Variants in CLVS1 observed in about 807,000 individuals in gnomAD.
The protein encoded by CLVS1 is clavesin-1.
Under a neutral mutation model 33.1 loss-of-function variants are expected in CLVS1, and 10 were observed. The observed-to-expected ratio is 0.30, with a 90% CI of 0.19 to 0.51. The LOEUF is 0.51. Among genes scored for constraint, CLVS1 ranks in the 20% least tolerant of loss-of-function variants. The pLI is 0.97. For synonymous variants in CLVS1, 163 were observed against 166.1 expected, an observed-to-expected ratio of 0.98 and a Z score of 0.14; for missense variants, 343 against 433.4, an observed-to-expected ratio of 0.79 and a Z score of 1.85.
At chr8:61,497,434 G>T (rs1245198825) in intron 5 of CLVS1, among the ~76,000 whole-genome samples, 1 of 40,628 alleles carries the variant, frequency 2.5e-5, no homozygotes, top group Non-Finnish European at 5.6e-5. Flanking sequence ...TGGTGTCCAG[G>T]TTTTTATTGG....
At chr8:61,400,567 A>G (rs968766429) in intron 3 of CLVS1, among the ~76,000 whole-genome samples, 2 of 152,178 alleles carry the variant, frequency 1.3e-5, no homozygotes, top group African/African-American at 2.4e-5. Flanking sequence ...TTTCAATTCA[A>G]TGTTGACGAG....
intron 2 of CLVS1, among the ~76,000 whole-genome samples, chr8:61,157,479 A>G (rs1004681721): frequency 2.0e-5 from 3 of 152,212 alleles, no homozygotes; most frequent in African/African-American, 4.8e-5. Flanking sequence ...TTTGAAGCTA[A>G]CCCTATATAT....
the CLVS1 span, among the ~76,000 whole-genome samples, chr8:61,009,682 A>G: frequency 8.5e-5 from 13 of 152,226 alleles, no homozygotes; most frequent in African/African-American, 3.1e-4. Context: ...CTTGTTATAT[A>G]TATTTTGTCA....
At chr8:61,069,373 A>G (rs1804747855) in intron 1 of CLVS1, among the ~76,000 whole-genome samples, 1 of 151,860 alleles carries the variant, frequency 6.6e-6, no homozygotes, top group Non-Finnish European at 1.5e-5. Context: ...GCGACACTAA[A>G]TCTTTCTACT....
At chr8:61,375,489 G>A (rs1004359314) in intron 2 of CLVS1, among the ~76,000 whole-genome samples, 3 of 152,140 alleles carry the variant, frequency 2.0e-5, no homozygotes, top group African/African-American at 4.8e-5. Context: ...GACATCAGGT[G>A]ATCTGCCTGC....
At chr8:61,318,100 G>T (rs981471937) in intron 2 of CLVS1, among the ~76,000 whole-genome samples, 7 of 152,124 alleles carry the variant, frequency 4.6e-5, no homozygotes, top group Admixed American at 3.3e-4. Flanking sequence ...ATGTCAGCGT[G>T]TATTTAGTTA....
chr8:61,272,427 T>G (rs1387388641), intron 2 of CLVS1, among the ~76,000 whole-genome samples: 1 of 151,628 alleles, frequency 6.6e-6, no homozygotes, highest in African/African-American at 2.4e-5. Context: ...GCCCTTAACA[T>G]TTTTTCCTTC....
In CLVS1 at chr8:61,246,309, A is replaced by G. The variant is rs899639068; in HGVS notation, c.-151-53368A>G. 6.7e-5 allele frequency among the ~76,000 whole-genome samples: 10 copies of G among 148,760 alleles called. No individual in the cohort carries two copies. The East Asian group carries it at 1.8e-3, about 27-fold the overall frequency. On this transcript the variant is annotated intron_variant, in intron 2 of 2. Transcript: ENST00000522621. The stretch of plus-strand genomic sequence containing the variant: ...CTCAGCCTCCCAAGTAGCTGGGATT[A>G]TAGGCGTCCACCACCATGCCTGCCT...
chr8:61,029,273 G>A, the CLVS1 span, among the ~76,000 whole-genome samples: 1 of 152,222 alleles, frequency 6.6e-6, no homozygotes, highest in African/African-American at 2.4e-5. Flanking sequence ...CGGCAGCCGT[G>A]AGGTTCCACC....
chr8:61,420,864 G>T (rs1158794502), intron 3 of CLVS1, among the ~76,000 whole-genome samples: 3 of 151,128 alleles, frequency 2.0e-5, no homozygotes, highest in African/African-American at 7.3e-5. Context: ...AGCTACCCTT[G>T]GGAGGCTGAG....
intron 2 of CLVS1, among the ~76,000 whole-genome samples, chr8:61,239,659 C>T (rs1025661521): frequency 3.9e-5 from 6 of 152,046 alleles, no homozygotes; most frequent in African/African-American, 9.7e-5. Flanking sequence ...TTGCCTGAGG[C>T]TGAGAGGTCG....
At chr8:61,213,998 G>T (rs141923088) in intron 2 of CLVS1, among the ~76,000 whole-genome samples, 1 of 152,128 alleles carries the variant, frequency 6.6e-6, no homozygotes, top group Non-Finnish European at 1.5e-5. Flanking sequence ...AGGTGTGCCC[G>T]TCTCTTATGG....
chr8:61,101,631 GTTTA>G (rs1311063887), intron 1 of CLVS1, among the ~76,000 whole-genome samples: 1 of 151,828 alleles, frequency 6.6e-6, no homozygotes. Flanking sequence ...ATGATGTCTG[GTTTA>G]TTTATTTATT....
chr8:61,326,195 C>G (rs1026701150), intron 2 of CLVS1, among the ~76,000 whole-genome samples: 5 of 152,160 alleles, frequency 3.3e-5, no homozygotes, highest in African/African-American at 1.2e-4. Context: ...CAAAGGTACC[C>G]ATTTGGGTCT....
chr8:61,088,321 T>C (rs1805162371), intron 1 of CLVS1, among the ~76,000 whole-genome samples: 2 of 152,012 alleles, frequency 1.3e-5, no homozygotes, highest in Admixed American at 6.6e-5. Flanking sequence ...AAACCACATC[T>C]CTATTTAAAA....
the CLVS1 span, among the ~76,000 whole-genome samples, chr8:60,999,117 A>G: frequency 1.3e-5 from 2 of 152,062 alleles, no homozygotes; most frequent in Non-Finnish European, 2.9e-5. Context: ...AGCATTTGAG[A>G]TCCAAATCTC....
chr8:61,364,249 T>C (rs140743204), intron 2 of CLVS1, among the ~76,000 whole-genome samples: 137 of 152,318 alleles, frequency 9.0e-4, no homozygotes, highest in Admixed American at 1.7e-3. Flanking sequence ...GCCTTATTGG[T>C]GCCAAAACTC....
chr8:61,419,074 C>A (rs1237570236), intron 3 of CLVS1, among the ~76,000 whole-genome samples: 2 of 152,080 alleles, frequency 1.3e-5, no homozygotes, highest in Admixed American at 1.3e-4. Context: ...TTGAAAAGAA[C>A]AAATGAAGGC....
intron 2 of CLVS1, among the ~76,000 whole-genome samples, chr8:61,347,936 A>G (rs1241812486): frequency 6.6e-6 from 1 of 151,514 alleles, no homozygotes; most frequent in Non-Finnish European, 1.5e-5. Context: ...TTCCATTAAC[A>G]TATGCATTGC....
Sources: allele counts gnomAD v4.1 joint callset (sites outside exome capture counted in the v4.1 genomes callset), GRCh38; gene constraint gnomAD v4.1.1; transcripts MANE v1.5; gene names NCBI Gene and HGNC (gene_info 2026-07-23, HGNC 2026-07-21).